The following DENND5B variants were observed in gnomAD, a reference collection of about 807,000 sequenced individuals.
DENND5B encodes the protein DENN domain-containing protein 5B.
In DENND5B, 34 loss-of-function variants were observed where a neutral mutation model predicts 140.6. The ratio of observed to expected loss-of-function variants is 0.24; its 90% confidence interval spans 0.18 to 0.32. DENND5B has a LOEUF of 0.32. Among genes scored for constraint, DENND5B ranks in the 10% least tolerant of loss-of-function variants. DENND5B has a pLI of 1.00. For synonymous variants in DENND5B, 551 were observed against 562.1 expected, an observed-to-expected ratio of 0.98 and a Z score of 0.28; for missense variants, 1,142 against 1,560.2, an observed-to-expected ratio of 0.73 and a Z score of 4.52.
chr12:31,452,570 TC>T, intron 4 of DENND5B, 94 bp from the exon 5 acceptor site: 1 of 1,347,990 alleles, frequency 7.4e-7, no homozygotes, highest in Non-Finnish European at 9.8e-7. Flanking sequence ...TCACACATAA[TC>T]CCAGCACTTT....
chr12:31,590,913 G>A lies in DENND5B; in HGVS notation c.-81C>T, dbSNP rs928075574. The A allele has an allele frequency of 4.5e-5, 52 of 1,153,894 alleles. No individual in the cohort carries two copies. Among genetic ancestry groups the A allele is most frequent in the Non-Finnish European group, 5.2e-5 (49 of 939,546 alleles). The allele number at this position is 1,153,894 out of a possible 1,614,324, so 71.5% of individuals were successfully genotyped here. A position where few individuals can be genotyped will look rare whatever the true frequency, so the allele number is the denominator to read the frequency against. On this transcript the variant is annotated 5_prime_UTR_variant, in exon 1 of 21. Transcript: ENST00000389082. ...GGAGGCTGCCACCACCGCTCCGGCT[G>A]TGGTCTGTGCGCCCGCCCTAGGGCG...
At chr12:31,519,634 A>C (rs1947802285) in intron 1 of DENND5B, among the ~76,000 whole-genome samples, 1 of 152,230 alleles carries the variant, frequency 6.6e-6, no homozygotes, top group African/African-American at 2.4e-5. Context: ...GGGCTCACAC[A>C]GAAGTCAAAA....
Position 31,389,552 on chromosome 12 carries a change from G to T in DENND5B, c.3467-54C>A, listed in dbSNP as rs1373349514. The T allele has an allele frequency of 2.7e-6, 4 of 1,481,282 alleles. No individual in the cohort carries two copies. In the African/African-American group the frequency reaches 5.6e-5, roughly 21 times the overall value. The allele number at this position is 1,481,282 out of a possible 1,614,324, so 91.8% of individuals were successfully genotyped here. Reference sequence around the variant, plus strand: ...AATATGTGTCAACACTTCATATATAGAAAGATTCATCACTTAATTTATTAT... The same window carrying T: ...AATATGTGTCAACACTTCATATATATAAAGATTCATCACTTAATTTATTAT... On this transcript the variant is annotated intron_variant, in intron 19 of 20. Transcript: ENST00000389082.
intron 13 of DENND5B, among the ~76,000 whole-genome samples, chr12:31,412,280 G>A (rs34908173): frequency 0.17 from 25,148 of 152,100 alleles, 2,662 homozygotes; most frequent in Non-Finnish European, 0.25. Flanking sequence ...GTAAACAGAA[G>A]AAATTAAAAG....
chr12:31,425,760 T>C (rs2137735826), intron 9 of DENND5B, among the ~76,000 whole-genome samples: 1 of 152,298 alleles, frequency 6.6e-6, no homozygotes, highest in East Asian at 1.9e-4. Flanking sequence ...GAAATGACTG[T>C]CAAATAAATA....
chr12:31,469,652 C>T (rs181864653), intron 3 of DENND5B, among the ~76,000 whole-genome samples: 19 of 152,226 alleles, frequency 1.2e-4, no homozygotes, highest in Non-Finnish European at 2.2e-4. Context: ...CCTGGTGCTA[C>T]GGTTTGGACA....
intron 8 of DENND5B, among the ~76,000 whole-genome samples, chr12:31,428,468 C>T (rs1434620536): frequency 6.6e-6 from 1 of 152,118 alleles, no homozygotes; most frequent in East Asian, 1.9e-4. Context: ...GTGGTGCAAT[C>T]TCAACTAACT....
Position 31,452,400 on chromosome 12 carries a change from A to T in DENND5B, c.1169T>A (p.Val390Glu). Residue 390 changes from valine to glutamate, a missense_variant, in exon 5 of 21, where the codon GTG becomes GAG. Val to Glu is a moderately radical substitution (Grantham distance 121). This residue lies in a region of DENND5B where 708 missense variants were observed against 905.5 expected (regional missense o/e 0.78). Coordinates refer to ENST00000389082, the MANE Select transcript of DENND5B (RefSeq NM_144973.4). ...PEEFPQFPNK[V>E]DFIQELSEVL... ...CTCAGAGAGTTCTTGGATAAAATCC[A>T]CTTTATTGGGGAACTGTGGAAATTC... 6.2e-7 allele frequency: 1 copy of T among 1,613,834 alleles called. No homozygotes were observed. The highest frequency in any genetic ancestry group is 8.5e-7 in the Non-Finnish European group (1 of 1,179,838).
chr12:31,445,310 C>T (rs1299049461), intron 6 of DENND5B, among the ~76,000 whole-genome samples: 3 of 152,156 alleles, frequency 2.0e-5, no homozygotes, highest in Admixed American at 1.3e-4. Flanking sequence ...AACCATGGCT[C>T]GACCAATCAC....
chr12:31,562,255 C>T (rs1393488657), intron 1 of DENND5B, among the ~76,000 whole-genome samples: 1 of 152,106 alleles, frequency 6.6e-6, no homozygotes, highest in Non-Finnish European at 1.5e-5. Context: ...TTTATGTACC[C>T]ACAGGTAAAG....
At position 31,399,199 on chromosome 12, in the gene DENND5B, C is replaced by CA. The variant is rs1220355296; in HGVS notation, c.3068+454dup. Reference sequence around the variant, plus strand: ...GGGGGGCAATTTTGTATGACATAAACAAAAAAAAAATTGCCCCCCTCACCT... The same window carrying CA: ...GGGGGGCAATTTTGTATGACATAAACAAAAAAAAAAATTGCCCCCCTCACCT... On this transcript the variant is annotated intron_variant, in intron 16 of 20. Transcript: ENST00000389082. Among the ~76,000 whole-genome samples, 102 of 52,110 alleles carry CA rather than the reference C, an allele frequency of 2.0e-3. 2 individuals are homozygous for CA. In the East Asian group the frequency reaches 0.03, roughly 15 times the overall value. 34.2% of individuals were successfully genotyped at this position (52,110 alleles called of 152,430 possible). A position where few individuals can be genotyped will look rare whatever the true frequency, so the allele number is the denominator to read the frequency against.
At chr12:31,501,443 A>G (rs1946996633) in intron 1 of DENND5B, among the ~76,000 whole-genome samples, 1 of 152,158 alleles carries the variant, frequency 6.6e-6, no homozygotes, top group Non-Finnish European at 1.5e-5. Flanking sequence ...CAGCATGAAA[A>G]CAGACGAATA....
chr12:31,536,660 A>T (rs962467216), intron 1 of DENND5B, among the ~76,000 whole-genome samples: 2 of 129,654 alleles, frequency 1.5e-5, no homozygotes, highest in African/African-American at 8.0e-5. Context: ...GATGTATTTA[A>T]AAAAAAAAGT....
chr12:31,577,655 G>A (rs1238936122), intron 1 of DENND5B, among the ~76,000 whole-genome samples: 3 of 146,524 alleles, frequency 2.0e-5, no homozygotes, highest in Non-Finnish European at 4.5e-5. Flanking sequence ...AGCTTGCAGT[G>A]AGCTGAGATT....
rs757968879 is a variant in DENND5B, at chr12:31,451,929, G to A, written c.1629+11C>T. ...TAATAACCACAAAAGGAAAACTATGGTTCTTTTTACTTTGTCAAAGTTCTG... is the reference window on the plus strand; with the variant it reads ...TAATAACCACAAAAGGAAAACTATGATTCTTTTTACTTTGTCAAAGTTCTG... On this transcript the variant is annotated intron_variant, in intron 5 of 20. Coordinates refer to ENST00000389082, the MANE Select transcript of DENND5B (RefSeq NM_144973.4). 1 of 1,612,510 alleles carries A rather than the reference G, an allele frequency of 6.2e-7. No individual in the cohort carries two copies. The highest frequency in any genetic ancestry group is 8.5e-7 in the Non-Finnish European group (1 of 1,179,498).
chr12:31,483,983 A>G (rs1285557737), intron 2 of DENND5B, among the ~76,000 whole-genome samples: 1 of 150,350 alleles, frequency 6.7e-6, no homozygotes, highest in African/African-American at 2.4e-5. Flanking sequence ...CCTCCCGAGT[A>G]GCTGGGACTA....
chr12:31,546,176 A>G (rs929926818), intron 1 of DENND5B, among the ~76,000 whole-genome samples: 5 of 152,058 alleles, frequency 3.3e-5, no homozygotes, highest in Admixed American at 2.0e-4. Context: ...TGCTATATAT[A>G]TGACCCATAT....
chr12:31,590,642 CGCGTCCCCACA>C (rs1233686332), intron 1 of DENND5B, 53 bp downstream of exon 1: 5 of 1,383,520 alleles, frequency 3.6e-6, no homozygotes, highest in South Asian at 3.0e-5. Context: ...CCGCCTCCCG[CGCGTCCCCACA>C]GCGTCCCCCG....
At chr12:31,457,936 G>A (rs768952412) in intron 4 of DENND5B, among the ~76,000 whole-genome samples, 2 of 151,572 alleles carry the variant, frequency 1.3e-5, no homozygotes, top group Admixed American at 1.3e-4. Context: ...GGATGGTCTC[G>A]ATCTCCTCAC....
Sources: allele counts gnomAD v4.1 joint callset (sites outside exome capture counted in the v4.1 genomes callset), GRCh38; gene constraint gnomAD v4.1.1; regional missense constraint gnomAD v4.1.1; transcripts MANE v1.5; gene names NCBI Gene and HGNC (gene_info 2026-07-23, HGNC 2026-07-21).